URB2: variants seen among roughly 807,000 people sequenced by gnomAD.
URB2 encodes unhealthy ribosome biogenesis protein 2 homolog.
A neutral mutation model predicts 120.9 loss-of-function variants in URB2; 86 were observed. The ratio of observed to expected loss-of-function variants is 0.71; its 90% confidence interval spans 0.60 to 0.85. URB2 has a LOEUF of 0.85. URB2 is among the 40% of genes least tolerant of loss of function. URB2 has a pLI of 0.00. For missense variants in URB2, 1,765 were observed against 1,836.5 expected, an observed-to-expected ratio of 0.96 and a Z score of 0.71; for synonymous variants, 755 against 758.4, an observed-to-expected ratio of 1.00 and a Z score of 0.07.
At chr1:229,655,214 G>C (rs1389038825) in intron 9 of URB2, among the ~76,000 whole-genome samples, 2 of 152,110 alleles carry the variant, frequency 1.3e-5, no homozygotes, top group Non-Finnish European at 2.9e-5. Context: ...TCAGTGTTCT[G>C]GATAATTCAC....
chr1:229,639,904 A>G (rs529144717), intron 4 of URB2, among the ~76,000 whole-genome samples: 1 of 152,294 alleles, frequency 6.6e-6, no homozygotes, highest in East Asian at 1.9e-4. Flanking sequence ...GTGAAAGGTT[A>G]ATGGGTTACT....
chr1:229,651,773 A>ACTC lies in URB2; in HGVS notation c.4237+453_4237+454insCCT, dbSNP rs1666279283. Among the ~76,000 whole-genome samples, 4 of 152,222 alleles carry ACTC rather than the reference A, an allele frequency of 2.6e-5. 1 individual carries two copies. The South Asian group carries it at 8.3e-4, about 31-fold the overall frequency. On this transcript the variant is annotated intron_variant, in intron 8 of 9. Transcript: ENST00000258243. ...CACCTTGGCAAGGGTGTGTTTGTTT[A>ACTC]CTAGGGAAACACTAACTGCCATATG...
intron 7 of URB2, among the ~76,000 whole-genome samples, chr1:229,648,889 C>T (rs1666210165): frequency 2.0e-5 from 3 of 152,220 alleles, no homozygotes; most frequent in Admixed American, 2.0e-4. Context: ...AATACTTTCA[C>T]AAACCCAGAT....
intron 3 of URB2, among the ~76,000 whole-genome samples, chr1:229,634,661 A>G (rs2102782768): frequency 6.6e-6 from 1 of 152,288 alleles, no homozygotes; most frequent in African/African-American, 2.4e-5. Flanking sequence ...GGGACAGCAA[A>G]TTTACAAAGG....
chr1:229,634,838 A>ATT, intron 3 of URB2, 79 bp from the exon 4 acceptor site: 23 of 1,066,354 alleles, frequency 2.2e-5, no homozygotes, highest in Admixed American at 3.5e-5. Flanking sequence ...GAGTTTGTTG[A>ATT]TTTTTTTTTT....
rs1666186775 is a variant in URB2, at chr1:229,647,741, T to C, written c.4138T>C (p.Cys1380Arg). ...CAACGTGCTCTTCTCAATCCTGCAG[T>C]GTCACCCTAAGGTGAGAAGGAGGGT... is the stretch of plus-strand genomic sequence containing the variant. Reference protein sequence around the residue: ...LHNVLFSILQCHPKVMLKAIP... With the variant: ...LHNVLFSILQRHPKVMLKAIP... Residue 1380 changes from cysteine (C) to arginine (R), a missense_variant, in exon 7 of 10, where the codon TGT becomes CGT. Cys to Arg is a radical substitution (Grantham distance 180). Coordinates refer to ENST00000258243, the MANE Select transcript of URB2 (RefSeq NM_014777.4). The C allele has an allele frequency of 1.9e-6, 3 of 1,613,634 alleles. No homozygotes were observed. The highest frequency in any genetic ancestry group is 2.5e-6 in the Non-Finnish European group (3 of 1,179,826).
At chr1:229,655,754 T>C (rs1197313903) in intron 9 of URB2, among the ~76,000 whole-genome samples, 1 of 152,246 alleles carries the variant, frequency 6.6e-6, no homozygotes, top group Non-Finnish European at 1.5e-5. Context: ...TCAATCTCTC[T>C]GTAAAATACC....
In URB2 at chr1:229,638,064, G is replaced by A. The variant is rs1405860330; in HGVS notation, c.3451G>A (p.Val1151Ile). ...QGSDRTLLSH[V>I]ALYQGVYSQI... ...AAGCGACAGGACGCTGCTCTCCCAT[G>A]TTGCCCTCTACCAGGGTGTTTACTC... The change falls in exon 4 of 10, where the codon GTT becomes ATT. Residue 1151 changes from valine (V) to isoleucine (I), a missense_variant. By Grantham distance (29) the Val-to-Ile change is conservative. Transcript: ENST00000258243. The A allele has an allele frequency of 3.1e-6, 5 of 1,614,176 alleles. No individual in the cohort carries two copies. Among genetic ancestry groups the A allele is most frequent in the Admixed American group, 1.7e-5 (1 of 60,026 alleles).
intron 2 of URB2, 120 bp downstream of exon 2, chr1:229,627,879 T>C: frequency 8.1e-7 from 1 of 1,238,796 alleles, no homozygotes; most frequent in Admixed American, 3.0e-5. Flanking sequence ...GAGGGAACTT[T>C]GTTGGAAGTT....
chr1:229,647,345 G>A (rs573817313), intron 6 of URB2, among the ~76,000 whole-genome samples, 165 bp from the exon 7 acceptor site: 15 of 152,322 alleles, frequency 9.8e-5, no homozygotes, highest in African/African-American at 3.6e-4. Context: ...TTTCACTAGA[G>A]CTGATCTGTA....
intron 2 of URB2, among the ~76,000 whole-genome samples, chr1:229,629,693 A>C (rs1257513035): frequency 6.6e-6 from 1 of 152,152 alleles, no homozygotes; most frequent in African/African-American, 2.4e-5. Flanking sequence ...GTGATTGCTG[A>C]AGGTTAGGGT....
chr1:229,632,431 A>G lies in URB2; in HGVS notation c.289A>G (p.Ile97Val). The G allele has an allele frequency of 6.4e-7, 1 of 1,560,994 alleles. No homozygotes were observed. Among genetic ancestry groups the G allele is most frequent in the Non-Finnish European group, 8.6e-7 (1 of 1,162,114 alleles). ...GAATGGAAAGACCATTAATCTTCAG[A>G]TTTCCCTAGTCAAGGTAATTCACTT... ...LKNGKTINLQ[I>V]SLVKIINERV... is the part of the protein sequence containing the mutation. Residue 97 changes from isoleucine (I) to valine (V), a missense_variant, in exon 3 of 10, where the codon ATT becomes GTT. Transcript: ENST00000258243.
chr1:229,635,536 A>T lies in URB2; in HGVS notation c.923A>T (p.Tyr308Phe). 6.2e-7 allele frequency: 1 copy of T among 1,614,112 alleles called. No homozygotes were observed. The highest frequency in any genetic ancestry group is 8.5e-7 in the Non-Finnish European group (1 of 1,180,004). ...SVVANSVALL[Y>F]KLFLDSYFKE... ...GTGGCCAACTCAGTGGCCTTGCTGT[A>T]TAAGCTCTTTCTAGATTCTTACTTT... The change falls in exon 4 of 10, where the codon TAT becomes TTT. Residue 308 changes from tyrosine (Y) to phenylalanine (F), a missense_variant. By Grantham distance (22) the Tyr-to-Phe change is conservative. Coordinates refer to ENST00000258243, the MANE Select transcript of URB2 (RefSeq NM_014777.4).
chr1:229,659,148 CT>C lies in URB2; in HGVS notation c.4427del (p.Leu1476ProfsTer22). 3 of 1,612,836 alleles carry C rather than the reference CT, an allele frequency of 1.9e-6. No homozygotes were observed. In the South Asian group the frequency reaches 3.3e-5, roughly 18 times the overall value. ...VKSLLQEGIY[L>X]ILDLCIEPDV... is the part of the protein sequence containing the mutation. ...AAGTCTGCTGCAGGAGGGCATTTACCTCATCCTGGACCTCTGCATCGAGCCT... is the reference window on the plus strand; with the variant it reads ...AAGTCTGCTGCAGGAGGGCATTTACCCATCCTGGACCTCTGCATCGAGCCT... On this transcript the variant is annotated frameshift_variant, in exon 10 of 10. Coordinates refer to ENST00000258243, the MANE Select transcript of URB2 (RefSeq NM_014777.4). LOFTEE classifies it high-confidence loss of function.
chr1:229,655,688 G>A (rs186276820), intron 9 of URB2, among the ~76,000 whole-genome samples: 84 of 152,230 alleles, frequency 5.5e-4, no homozygotes, highest in Non-Finnish European at 9.9e-4. Flanking sequence ...AGCAAAGTGC[G>A]GTGTATTCTT....
At chr1:229,633,051 T>C (rs543481703) in intron 3 of URB2, among the ~76,000 whole-genome samples, 60 of 152,374 alleles carry the variant, frequency 3.9e-4, no homozygotes, top group Non-Finnish European at 6.9e-4. Context: ...AGTTTAACTT[T>C]CCTAAAGTCA....
chr1:229,651,723 G>A (rs190547363), intron 8 of URB2, among the ~76,000 whole-genome samples: 147 of 152,268 alleles, frequency 9.7e-4, no homozygotes, highest in African/African-American at 3.4e-3. Context: ...AAGGGATAAG[G>A]TCCTGCCGCT....
rs557468587 is a variant in URB2, at chr1:229,637,228, A to G, written c.2615A>G (p.Gln872Arg). ...ATAGAACCTAGAGGAGAAATTGCCC[A>G]GAACTTACTGTCCCTGGTCAAGAGT... is the stretch of plus-strand genomic sequence containing the variant. ...EGIEPRGEIA[Q>R]NLLSLVKSDF... The change falls in exon 4 of 10, where the codon CAG becomes CGG. Residue 872 changes from glutamine to arginine, a missense_variant. Physicochemically the swap from Gln to Arg is conservative, Grantham distance 43. Transcript: ENST00000258243. The G allele has an allele frequency of 3.3e-4, 535 of 1,613,838 alleles. 5 individuals carry two copies. The South Asian group carries it at 5.6e-3, about 17-fold the overall frequency.
rs374093179 is a variant in URB2 at position 229,655,390 on chromosome 1, C to T, written c.4377+1002C>T. On this transcript the variant is annotated intron_variant, in intron 9 of 9. Transcript: ENST00000258243. ...CTAGGATTATAGGTGCCCACCACCA[C>T]GCCCAGTTAATTTTTGTATTTTTAG... Among the ~76,000 whole-genome samples, 96 of 152,242 alleles carry T rather than the reference C, an allele frequency of 6.3e-4. 1 individual carries two copies. The highest frequency in any genetic ancestry group is 2.0e-3 in the African/African-American group (82 of 41,552).
Sources: gnomAD v4.1 joint callset for allele counts (sites outside exome capture counted in the v4.1 genomes callset) on GRCh38, gnomAD v4.1.1 for gene constraint, MANE v1.5 for transcripts, NCBI Gene and HGNC (gene_info 2026-07-23, HGNC 2026-07-21) for gene names.